MDFIC2: variants seen among roughly 807,000 people sequenced by gnomAD.
MDFIC2 encodes myoD family inhibitor domain-containing protein 2.
At chr3:70,272,583 G>A (rs1343583296) in intron 2 of MDFIC2, among the ~76,000 whole-genome samples, 1 of 152,090 alleles carries the variant, frequency 6.6e-6, no homozygotes, top group Non-Finnish European at 1.5e-5. Flanking sequence ...AGGTCTTTAC[G>A]TGGACATATG....
chr3:70,245,633 A>G (rs536127620), intron 2 of MDFIC2, among the ~76,000 whole-genome samples: 3 of 144,570 alleles, frequency 2.1e-5, no homozygotes, highest in African/African-American at 7.5e-5. Flanking sequence ...CAAAGAAATC[A>G]GAATATGGAT....
In MDFIC2 at chr3:70,306,906, A is replaced by G. The variant is rs575694790; in HGVS notation, c.88+4980T>C. Among the ~76,000 whole-genome samples, 5 of 152,262 alleles carry G rather than the reference A, an allele frequency of 3.3e-5. No homozygotes were observed. In the South Asian group the frequency reaches 8.3e-4, roughly 25 times the overall value. ...TATGTATAAATATGTATGTATATGC[A>G]TATATATGTACATATATACACATTG... is the stretch of plus-strand genomic sequence containing the variant. On this transcript the variant is annotated intron_variant, in intron 2 of 3. Coordinates refer to ENST00000567252, the MANE Select transcript of MDFIC2 (RefSeq NM_001364677.1).
In MDFIC2 at chr3:70,311,640, G is replaced by A. The variant is rs1191250460; in HGVS notation, c.88+246C>T. Among the ~76,000 whole-genome samples, 3 of 151,976 alleles carry A rather than the reference G, an allele frequency of 2.0e-5. No homozygotes were observed. The East Asian group carries it at 5.8e-4, about 29-fold the overall frequency. ...AGTCTGAGTAGAAAATGCATATTAA[G>A]TCTTACCAACAAAGTAATCTATGTT... On this transcript the variant is annotated intron_variant, in intron 2 of 3. Transcript: ENST00000567252.
At chr3:70,221,549 T>A (rs1701460213) in intron 2 of MDFIC2, among the ~76,000 whole-genome samples, 1 of 151,948 alleles carries the variant, frequency 6.6e-6, no homozygotes, top group Non-Finnish European at 1.5e-5. Context: ...CCTCAGGAGC[T>A]TTATGGCCTA....
chr3:70,254,592 C>A (rs1701797228), intron 2 of MDFIC2, among the ~76,000 whole-genome samples: 1 of 152,114 alleles, frequency 6.6e-6, no homozygotes, highest in African/African-American at 2.4e-5. Flanking sequence ...GGTTATCATA[C>A]TTAGCAAACC....
At chr3:70,300,412 A>G (rs1702336304) in intron 2 of MDFIC2, among the ~76,000 whole-genome samples, 1 of 152,096 alleles carries the variant, frequency 6.6e-6, no homozygotes, top group Non-Finnish European at 1.5e-5. Context: ...CTACCACGTT[A>G]TCTTACAAAT....
At chr3:70,228,958 C>T (rs1701534140) in intron 2 of MDFIC2, among the ~76,000 whole-genome samples, 1 of 151,988 alleles carries the variant, frequency 6.6e-6, no homozygotes, top group Admixed American at 6.6e-5. Context: ...AGAGCAGAGT[C>T]CAGTGAAGAA....
intron 2 of MDFIC2, among the ~76,000 whole-genome samples, chr3:70,227,196 G>A (rs1484725121): frequency 6.6e-6 from 1 of 152,148 alleles, no homozygotes; most frequent in African/African-American, 2.4e-5. Context: ...CATGATGGAG[G>A]ATGAATTAGA....
At chr3:70,271,489 T>C (rs1210641370) in intron 2 of MDFIC2, among the ~76,000 whole-genome samples, 1 of 152,234 alleles carries the variant, frequency 6.6e-6, no homozygotes, top group Non-Finnish European at 1.5e-5. Flanking sequence ...AATTTCTGAA[T>C]TTTAAATGTT....
At chr3:70,261,622 C>T (rs1181963438) in intron 2 of MDFIC2, among the ~76,000 whole-genome samples, 1 of 152,178 alleles carries the variant, frequency 6.6e-6, no homozygotes, top group African/African-American at 2.4e-5. Flanking sequence ...GCTTTCTTCA[C>T]TTTCAACAAT....
chr3:70,203,322 G>A (rs948649638), intron 3 of MDFIC2, among the ~76,000 whole-genome samples: 1 of 151,984 alleles, frequency 6.6e-6, no homozygotes, highest in African/African-American at 2.4e-5. Context: ...TGTAAAAATC[G>A]GTTCCCACTC....
intron 2 of MDFIC2, among the ~76,000 whole-genome samples, chr3:70,249,878 T>TA (rs1460514797): frequency 6.6e-6 from 1 of 152,030 alleles, no homozygotes; most frequent in African/African-American, 2.4e-5. Context: ...CTAACGTTAA[T>TA]AAAAAAATTC....
intron 2 of MDFIC2, among the ~76,000 whole-genome samples, chr3:70,236,532 G>A (rs1300593749): frequency 1.3e-5 from 2 of 152,120 alleles, no homozygotes; most frequent in Non-Finnish European, 2.9e-5. Context: ...CAAAAATAAT[G>A]ATAATATTAA....
chr3:70,297,801 G>T lies in MDFIC2; in HGVS notation c.88+14085C>A, dbSNP rs369484094. 1.1e-4 allele frequency among the ~76,000 whole-genome samples: 17 copies of T among 152,114 alleles called. No homozygotes were observed. The South Asian group carries it at 3.5e-3, about 32-fold the overall frequency. Reference sequence around the variant, plus strand: ...CTAAAGAAAAAGCTTAAACTAAAAAGTGTTATTATCATAAACTCACAGGCT... The same window carrying T: ...CTAAAGAAAAAGCTTAAACTAAAAATTGTTATTATCATAAACTCACAGGCT... On this transcript the variant is annotated intron_variant, in intron 2 of 3. Coordinates refer to ENST00000567252, the MANE Select transcript of MDFIC2 (RefSeq NM_001364677.1).
chr3:70,199,050 A>G lies in MDFIC2; in HGVS notation c.311-1865T>C, dbSNP rs116645797. Among the ~76,000 whole-genome samples, 849 of 152,338 alleles carry G rather than the reference A, an allele frequency of 5.6e-3. 12 individuals are homozygous for G. Among genetic ancestry groups the G allele is most frequent in the African/African-American group, 0.019 (800 of 41,592 alleles). ...AAGAGGCTGTCAGCAGACAATCTCC[A>G]AGTGAATACTCTGTGATCCCTCAGG... is the stretch of plus-strand genomic sequence containing the variant. On this transcript the variant is annotated intron_variant, in intron 3 of 3. Coordinates refer to ENST00000567252, the MANE Select transcript of MDFIC2 (RefSeq NM_001364677.1).
At chr3:70,239,930 G>T (rs192347076) in intron 2 of MDFIC2, among the ~76,000 whole-genome samples, 4 of 152,146 alleles carry the variant, frequency 2.6e-5, no homozygotes, top group Non-Finnish European at 5.9e-5. Context: ...CTTTGTGTGT[G>T]TGTGTGTGTT....
At chr3:70,204,329 T>C (rs1701269782) in intron 3 of MDFIC2, among the ~76,000 whole-genome samples, 1 of 152,184 alleles carries the variant, frequency 6.6e-6, no homozygotes, top group Non-Finnish European at 1.5e-5. Flanking sequence ...TCTGCATCCT[T>C]AAATTAATTA....
At chr3:70,215,279 G>C (rs1701395636) in intron 2 of MDFIC2, among the ~76,000 whole-genome samples, 2 of 152,082 alleles carry the variant, frequency 1.3e-5, no homozygotes, top group Non-Finnish European at 1.5e-5. Context: ...GGCAGAGCTA[G>C]TACTTGAACT....
At chr3:70,258,104 CTTTCA>C (rs1701833520) in intron 2 of MDFIC2, among the ~76,000 whole-genome samples, 2 of 152,126 alleles carry the variant, frequency 1.3e-5, no homozygotes, top group South Asian at 4.1e-4. Flanking sequence ...TGAATCCCAA[CTTTCA>C]TTTCACATCA....
Sources: allele counts gnomAD v4.1 joint callset (sites outside exome capture counted in the v4.1 genomes callset), GRCh38; gene constraint gnomAD v4.1.1; transcripts MANE v1.5; gene names NCBI Gene and HGNC (gene_info 2026-07-23, HGNC 2026-07-21).